CEP43: variants seen among roughly 807,000 people sequenced by gnomAD.
CEP43 encodes the protein FGFR1 oncogene partner.
A neutral mutation model predicts 52.6 loss-of-function variants in CEP43; 36 were observed. That is an observed-to-expected ratio of 0.68 (90% CI 0.52 to 0.90). The LOEUF (loss-of-function observed/expected upper bound fraction) is 0.90, where lower values mean the gene tolerates loss of function less well. CEP43 is among the 40% of genes least tolerant of loss of function. The pLI is 0.00. For synonymous variants in CEP43, 192 were observed against 172.4 expected (o/e 1.11, Z -0.89); for missense variants, 506 against 472.8 (o/e 1.07, Z -0.65).
intron 10 of CEP43, among the ~76,000 whole-genome samples, chr6:167,032,284 T>G (rs558464194): frequency 6.6e-5 from 10 of 152,374 alleles, no homozygotes; most frequent in Admixed American, 1.3e-4. Flanking sequence ...AGGGGATTGA[T>G]GATGACTTGC....
At chr6:167,013,991 G>T (rs1433893682) in intron 7 of CEP43, among the ~76,000 whole-genome samples, 1 of 152,052 alleles carries the variant, frequency 6.6e-6, no homozygotes. Context: ...AAAAAGTAAC[G>T]ATGGCATGAA....
intron 7 of CEP43, among the ~76,000 whole-genome samples, chr6:167,018,295 G>A (rs1248901881): frequency 3.3e-5 from 5 of 152,140 alleles, no homozygotes; most frequent in Non-Finnish European, 5.9e-5. Context: ...GGGAGTTAGG[G>A]GTTTCAACAT....
intron 12 of CEP43, among the ~76,000 whole-genome samples, chr6:167,038,324 GC>G (rs1461311325): frequency 6.7e-6 from 1 of 148,880 alleles, no homozygotes; most frequent in Non-Finnish European, 1.5e-5. Flanking sequence ...TCATGATCTG[GC>G]TTCAGGTGGC....
Position 167,040,514 on chromosome 6 carries a change from TTTCC to T in CEP43, c.*541_*544del. On this transcript the variant is annotated 3_prime_UTR_variant, in exon 13 of 13. Coordinates refer to ENST00000366847, the MANE Select transcript of CEP43 (RefSeq NM_007045.4). The stretch of plus-strand genomic sequence containing the variant: ...TTTGATGTGTCAACTTTATTTTGTA[TTTCC>T]TTCCATTTGGAAGGTTTGTTAGACC... 9 of 1,122,616 alleles carry T rather than the reference TTTCC, an allele frequency of 8.0e-6. No homozygotes were observed. The highest frequency in any genetic ancestry group is 9.9e-6 in the Non-Finnish European group (9 of 913,314). The allele number at this position is 1,122,616 out of a possible 1,614,324, so 69.5% of individuals were successfully genotyped here. A position where few individuals can be genotyped will look rare whatever the true frequency, so the allele number is the denominator to read the frequency against.
chr6:167,008,018 G>T (rs1011683452), intron 5 of CEP43, among the ~76,000 whole-genome samples: 1 of 151,880 alleles, frequency 6.6e-6, no homozygotes, highest in East Asian at 1.9e-4. Context: ...CCTTTCTTCT[G>T]TACGATTGTA....
intron 7 of CEP43, among the ~76,000 whole-genome samples, chr6:167,019,804 G>T (rs1780184976): frequency 6.6e-6 from 1 of 152,104 alleles, no homozygotes; most frequent in South Asian, 2.1e-4. Flanking sequence ...TTTGATACTA[G>T]ATAGTTCATT....
At chr6:167,014,219 G>A (rs1052009528) in intron 7 of CEP43, among the ~76,000 whole-genome samples, 8 of 151,956 alleles carry the variant, frequency 5.3e-5, no homozygotes, top group East Asian at 1.9e-4. Context: ...TTTTGAATAC[G>A]TACCTATTGA....
rs1208153951 is a variant in CEP43, at chr6:167,041,624, T to C, written c.*1646T>C. 1 of 1,043,142 alleles carries C rather than the reference T, an allele frequency of 9.6e-7. No individual in the cohort carries two copies. The highest frequency in any genetic ancestry group is 1.2e-6 in the Non-Finnish European group (1 of 865,122). 64.6% of individuals were successfully genotyped at this position (1,043,142 alleles called of 1,614,324 possible). On this transcript the variant is annotated 3_prime_UTR_variant, in exon 13 of 13. Coordinates refer to ENST00000366847, the MANE Select transcript of CEP43 (RefSeq NM_007045.4). ...ACATGTATGATTTATTTTTAATATT[T>C]GATAGGAACTAGGTTTCAGTGAAAT...
rs1332847522 is a variant in CEP43, at chr6:167,045,003, G to C, written c.*5025G>C. 6.6e-6 allele frequency: 1 copy of C among 152,264 alleles called. No homozygotes were observed. The highest frequency in any genetic ancestry group is 1.9e-4 in the East Asian group (1 of 5,184). The allele number at this position is 152,264 out of a possible 1,614,324, so 9.4% of individuals were successfully genotyped here. On this transcript the variant is annotated 3_prime_UTR_variant, in exon 13 of 13. Coordinates refer to ENST00000366847, the MANE Select transcript of CEP43 (RefSeq NM_007045.4). ...CATGCAGGAGGCCAGTCATTCTGCG[G>C]TTTTAGCTGGAGGTTTGTTTTTGGT...
At chr6:167,028,619 G>A (rs2237277) in intron 10 of CEP43, 184,029 of 411,232 alleles carry the variant, frequency 0.45, 41,803 homozygotes, top group Middle Eastern at 0.47. Context: ...GATGTTAGTG[G>A]TAAGTGCCTG....
chr6:167,040,712 CATT>C lies in CEP43; in HGVS notation c.*737_*739del. The C allele has an allele frequency of 2.0e-6, 2 of 1,017,406 alleles. No individual in the cohort carries two copies. Among genetic ancestry groups the C allele is most frequent in the Non-Finnish European group, 2.4e-6 (2 of 846,754 alleles). 63.0% of individuals were successfully genotyped at this position (1,017,406 alleles called of 1,614,324 possible). On this transcript the variant is annotated 3_prime_UTR_variant, in exon 13 of 13. Transcript: ENST00000366847. The stretch of plus-strand genomic sequence containing the variant: ...AGCAGCTTTAGTCGTAGGTTCTCTT[CATT>C]ATAATTTATTATCTGTAAAGATTCC...
chr6:167,015,682 C>T (rs1208164654), intron 7 of CEP43, among the ~76,000 whole-genome samples: 1 of 152,170 alleles, frequency 6.6e-6, no homozygotes, highest in Non-Finnish European at 1.5e-5. Context: ...CTTTCGAATG[C>T]AGGAGGCGAC....
Position 167,040,051 on chromosome 6 carries a change from A to C in CEP43, c.*73A>C. 1 of 1,611,686 alleles carries C rather than the reference A, an allele frequency of 6.2e-7. No individual in the cohort carries two copies. The highest frequency in any genetic ancestry group is 8.5e-7 in the Non-Finnish European group (1 of 1,178,440). Reference sequence around the variant, plus strand: ...GTTCCATTTTTTTTTTTTCCAGACAATCACTCAGCTGGAATGTCTGCTCTC... The same window carrying C: ...GTTCCATTTTTTTTTTTTCCAGACACTCACTCAGCTGGAATGTCTGCTCTC... On this transcript the variant is annotated 3_prime_UTR_variant, in exon 13 of 13. Transcript: ENST00000366847.
chr6:167,043,150 A>T lies in CEP43; in HGVS notation c.*3172A>T, dbSNP rs1159561779. On this transcript the variant is annotated 3_prime_UTR_variant, in exon 13 of 13. Coordinates refer to ENST00000366847, the MANE Select transcript of CEP43 (RefSeq NM_007045.4). ...AGCTCAGCTGGAGCAGGGCCTCTGA[A>T]GGAGGTGCCCTCTGTGTGGCTCTGC... is the stretch of plus-strand genomic sequence containing the variant. 1.3e-5 allele frequency: 2 copies of T among 152,724 alleles called. No homozygotes were observed. The highest frequency in any genetic ancestry group is 3.9e-4 in the East Asian group (2 of 5,184). 9.5% of individuals were successfully genotyped at this position (152,724 alleles called of 1,614,324 possible). A position where few individuals can be genotyped will look rare whatever the true frequency, so the allele number is the denominator to read the frequency against.
chr6:167,023,481 G>T (rs1209057309), intron 8 of CEP43, among the ~76,000 whole-genome samples: 1 of 152,230 alleles, frequency 6.6e-6, no homozygotes, highest in Non-Finnish European at 1.5e-5. Flanking sequence ...ACACAGACAG[G>T]TGGCATGACA....
intron 7 of CEP43, among the ~76,000 whole-genome samples, chr6:167,017,778 C>T (rs1431957652): frequency 2.6e-5 from 4 of 152,072 alleles, no homozygotes. Flanking sequence ...TATGGCTGCA[C>T]TATAATTTCC....
rs750304789 is a variant in CEP43, at chr6:167,033,899, T to C, written c.1053T>C (p.Ser351=). 80 of 1,584,980 alleles carry C rather than the reference T, an allele frequency of 5.0e-5. No homozygotes were observed. In the East Asian group the frequency reaches 1.6e-3, roughly 32 times the overall value. Residue 351 remains serine, a synonymous_variant, in exon 12 of 13, where the codon AGT becomes AGC. Coordinates refer to ENST00000366847, the MANE Select transcript of CEP43 (RefSeq NM_007045.4). The part of the protein sequence containing the change: ...FNSTSHRSEK[S]EISIGEEIEE... Reference sequence around the variant, plus strand: ...GTACCAGCCATCGCTCAGAGAAAAGTGAGATAAGTATTGGTGAAGAGATAG... The same window carrying C: ...GTACCAGCCATCGCTCAGAGAAAAGCGAGATAAGTATTGGTGAAGAGATAG...
rs780148958 is a variant in CEP43, at chr6:166,999,474, T to A, written c.62T>A (p.Val21Glu). ...GACACGGAGCTGCGGGACCTGCTGGTGCAGACGCTGGAGAACAGCGGGGTC... is the reference window on the plus strand; with the variant it reads ...GACACGGAGCTGCGGGACCTGCTGGAGCAGACGCTGGAGAACAGCGGGGTC... ...EEDTELRDLL[V>E]QTLENSGVLN... Residue 21 changes from valine to glutamate, a missense_variant, in exon 1 of 13, where the codon GTG (valine) becomes GAG (glutamate). Val to Glu is a moderately radical substitution (Grantham distance 121). Transcript: ENST00000366847. 3 of 1,483,618 alleles carry A rather than the reference T, an allele frequency of 2.0e-6. No individual in the cohort carries two copies. In the South Asian group the frequency reaches 3.9e-5, roughly 19 times the overall value. 91.9% of individuals were successfully genotyped at this position (1,483,618 alleles called of 1,614,324 possible).
chr6:167,039,542 G>A (rs1487982916), intron 12 of CEP43, among the ~76,000 whole-genome samples: 3 of 152,136 alleles, frequency 2.0e-5, no homozygotes, highest in Non-Finnish European at 2.9e-5. Context: ...TTTGCAATTC[G>A]GAATTGTGCT....
Sources: allele counts gnomAD v4.1 joint callset (sites outside exome capture counted in the v4.1 genomes callset), GRCh38; gene constraint gnomAD v4.1.1; transcripts MANE v1.5; gene names NCBI Gene and HGNC (gene_info 2026-07-23, HGNC 2026-07-21).